GPR137: variants seen among roughly 807,000 people sequenced by gnomAD.
GPR137 encodes the protein G protein-coupled receptor 137, also known as integral membrane protein GPR137.
In GPR137, 20 loss-of-function variants were observed where a neutral mutation model predicts 38.9. That is an observed-to-expected ratio of 0.51 (90% CI 0.36 to 0.75). The LOEUF is 0.75. Among genes scored for constraint, GPR137 ranks in the 30% least tolerant of loss-of-function variants. The probability of loss-of-function intolerance (pLI) is 0.00; values close to 1 mark genes in which losing one functional copy is unlikely to be tolerated. For synonymous variants in GPR137, 226 were observed against 235.8 expected (o/e 0.96, Z 0.38); for missense variants, 456 against 526.4 (o/e 0.87, Z 1.31).
Position 64,288,868 on chromosome 11 carries a change from C to T in GPR137, c.1031+147C>T. ...CCCCATCTGTACTAGGTGAGGTCCC[C>T]TGGGTTCCTATTGCTAAAGCCTCCA... On this transcript the variant is annotated intron_variant, in intron 6 of 6. Coordinates refer to ENST00000438980, the MANE Select transcript of GPR137 (RefSeq NM_001170880.2). The surrounding 1 kb of genome is among the most constrained non-coding windows in gnomAD (Gnocchi z 5.5). 2.1e-6 allele frequency: 3 copies of T among 1,441,800 alleles called. No homozygotes were observed. In the South Asian group the frequency reaches 4.4e-5, roughly 21 times the overall value. The allele number at this position is 1,441,800 out of a possible 1,614,324, so 89.3% of individuals were successfully genotyped here.
At chr11:64,272,482 C>T (rs769345319), upstream of GPR137, among the ~76,000 whole-genome samples, 2 of 152,176 alleles carry the variant, frequency 1.3e-5, no homozygotes, top group Non-Finnish European at 2.9e-5. Flanking sequence ...TGAATGCCTC[C>T]TCTGCAAGGG....
chr11:64,285,626 G>A, upstream of GPR137: 1 of 985,094 alleles, frequency 1.0e-6, no homozygotes, highest in Non-Finnish European at 1.2e-6. Flanking sequence ...GGGCGGCACG[G>A]GGCACGGCCC....
chr11:64,272,106 G>C (rs2032676079), upstream of GPR137, among the ~76,000 whole-genome samples: 1 of 152,194 alleles, frequency 6.6e-6, no homozygotes, highest in African/African-American at 2.4e-5. Context: ...ACATCACAAG[G>C]TCAGGAGATC....
chr11:64,272,934 A>C (rs1013337656), upstream of GPR137: 1 of 152,292 alleles, frequency 6.6e-6, no homozygotes, highest in Non-Finnish European at 1.5e-5. Context: ...AAAATGTGAA[A>C]GTGCTTTGTG....
exon 1 of GPR137, chr11:64,275,741 A>T (rs2033011561): frequency 6.6e-6 from 1 of 151,944 alleles, no homozygotes; most frequent in Non-Finnish European, 1.5e-5. Flanking sequence ...TGCCGGACAC[A>T]AGGCCCCACA....
At chr11:64,283,040 C>T (rs761349873), upstream of GPR137, among the ~76,000 whole-genome samples, 4 of 152,184 alleles carry the variant, frequency 2.6e-5, no homozygotes, top group African/African-American at 7.2e-5. Context: ...GGTGATAGAG[C>T]GAGACCCTGT....
At chr11:64,274,151 G>C (rs566964569), upstream of GPR137, among the ~76,000 whole-genome samples, 4 of 152,342 alleles carry the variant, frequency 2.6e-5, no homozygotes, top group South Asian at 8.3e-4. Context: ...CCAACACTTT[G>C]GGAGGCCGAG....
Position 64,286,964 on chromosome 11 carries a change from G to A in GPR137, c.358-1G>A, listed in dbSNP as rs1481136425. The A allele has an allele frequency of 3.1e-6, 5 of 1,613,822 alleles. No individual in the cohort carries two copies. In the African/African-American group the frequency reaches 6.7e-5, roughly 22 times the overall value. On this transcript the variant is annotated splice_acceptor_variant, in intron 1 of 6. Transcript: ENST00000438980. LOFTEE classifies it high-confidence loss of function. ...GGAGTGAAGGGCATCTCTGCTCCTA[G>A]GTGGTGTTCAAGGCCAAGGTGAAGC... is the stretch of plus-strand genomic sequence containing the variant.
rs1255577717 is a variant in GPR137, at chr11:64,286,418, A to G, written c.-107A>G. ...CAACTTCTTTCCTCCTGAGCGCCCC[A>G]TCTCCCTCTCTGCACCCTGCAATTC... On this transcript the variant is annotated 5_prime_UTR_variant, in exon 1 of 7. Coordinates refer to ENST00000438980, the MANE Select transcript of GPR137 (RefSeq NM_001170880.2). The G allele has an allele frequency of 2.7e-6, 4 of 1,478,508 alleles. No individual in the cohort carries two copies. The Admixed American group carries it at 7.2e-5, about 27-fold the overall frequency. The allele number at this position is 1,478,508 out of a possible 1,614,324, so 91.6% of individuals were successfully genotyped here. A position where few individuals can be genotyped will look rare whatever the true frequency, so the allele number is the denominator to read the frequency against.
intron 2 of GPR137, among the ~76,000 whole-genome samples, chr11:64,277,291 C>T (rs1239971084): frequency 6.6e-6 from 1 of 152,210 alleles, no homozygotes; most frequent in Admixed American, 6.5e-5. Context: ...CAGACACTCG[C>T]AGCCTGTCCG....
At chr11:64,284,629 AC>A (rs1297163726), upstream of GPR137, 4 of 1,520,246 alleles carry the variant, frequency 2.6e-6, no homozygotes, top group Non-Finnish European at 3.5e-6. Context: ...CACAGGTCTC[AC>A]CCCAAGCCCG....
chr11:64,280,312 T>G (rs1254613291), upstream of GPR137, among the ~76,000 whole-genome samples: 1 of 134,416 alleles, frequency 7.4e-6, no homozygotes, highest in African/African-American at 2.7e-5. Flanking sequence ...AGAGCAAGAC[T>G]CCATGTCAAA....
chr11:64,282,761 C>T (rs1209703606), upstream of GPR137, among the ~76,000 whole-genome samples: 1 of 151,940 alleles, frequency 6.6e-6, no homozygotes, highest in African/African-American at 2.4e-5. Context: ...CGCCTGTAGT[C>T]CCAGCTACTC....
chr11:64,276,277 T>C (rs1425688772), intron 1 of GPR137: 5 of 58,024 alleles, frequency 8.6e-5, no homozygotes, highest in Admixed American at 1.4e-4. Flanking sequence ...CATATATTTA[T>C]GTGTGTGTGT....
upstream of GPR137, among the ~76,000 whole-genome samples, chr11:64,280,992 G>C (rs892737935): frequency 1.3e-5 from 2 of 151,494 alleles, no homozygotes; most frequent in African/African-American, 4.9e-5. Flanking sequence ...TTTTGAGACG[G>C]AATCTTGCTC....
In GPR137 at chr11:64,288,906, A is replaced by T; in HGVS notation, c.1032-131A>T. The T allele has an allele frequency of 2.8e-6, 4 of 1,440,840 alleles. No homozygotes were observed. The highest frequency in any genetic ancestry group is 3.0e-5 in the South Asian group (2 of 67,512). 89.3% of individuals were successfully genotyped at this position (1,440,840 alleles called of 1,614,324 possible). A position where few individuals can be genotyped will look rare whatever the true frequency, so the allele number is the denominator to read the frequency against. ...GCTAAAGCCTCCACCTCTTGCCTAG[A>T]GATGTACTTTGTCCTGGGCCCCGAA... On this transcript the variant is annotated intron_variant, in intron 6 of 6. Transcript: ENST00000438980. This position sits in a 1 kb window ranked among gnomAD's most constrained non-coding sequence, Gnocchi z 5.5.
chr11:64,270,898 GAGACACAC>G (rs1565343953), upstream of GPR137, among the ~76,000 whole-genome samples: 2 of 86,846 alleles, frequency 2.3e-5, no homozygotes, highest in African/African-American at 4.2e-5. Context: ...CATGCCCTGT[GAGACACAC>G]ACACACACAC....
At chr11:64,277,227 G>A (rs1026789181) in intron 2 of GPR137, among the ~76,000 whole-genome samples, 1 of 152,180 alleles carries the variant, frequency 6.6e-6, no homozygotes, top group African/African-American at 2.4e-5. Context: ...TGCTGCCGGG[G>A]GAGGCTGACG....
chr11:64,282,537 C>G (rs2033547425), upstream of GPR137, among the ~76,000 whole-genome samples: 1 of 150,576 alleles, frequency 6.6e-6, no homozygotes, highest in South Asian at 2.1e-4. Flanking sequence ...GAGTTTGAGG[C>G]CTGCCTGGGC....
Sources: allele counts gnomAD v4.1 joint callset (sites outside exome capture counted in the v4.1 genomes callset), GRCh38; gene constraint gnomAD v4.1.1; non-coding constraint Gnocchi (gnomAD v3.1); transcripts MANE v1.5; gene names NCBI Gene and HGNC (gene_info 2026-07-23, HGNC 2026-07-21).